PDE1C: variants seen among roughly 807,000 people sequenced by gnomAD.
PDE1C encodes the protein phosphodiesterase 1C.
In PDE1C, 62 loss-of-function variants were observed where a neutral mutation model predicts 93.1. The observed-to-expected ratio is 0.67, with a 90% CI of 0.54 to 0.82. The LOEUF (loss-of-function observed/expected upper bound fraction) is 0.82. Among genes scored for constraint, PDE1C ranks in the 40% least tolerant of loss-of-function variants. The pLI is 0.00. For missense variants in PDE1C, 742 were observed against 884.6 expected (o/e 0.84, Z 2.04); for synonymous variants, 325 against 310.1 (o/e 1.05, Z -0.50).
At chr7:32,347,484 T>G (rs1783876836) in intron 1 of PDE1C, among the ~76,000 whole-genome samples, 1 of 151,512 alleles carries the variant, frequency 6.6e-6, no homozygotes, top group African/African-American at 2.4e-5. Context: ...CCCTTCAGTG[T>G]GAGTAGAATA....
the PDE1C span, among the ~76,000 whole-genome samples, chr7:31,636,912 T>A: frequency 8.5e-6 from 1 of 117,574 alleles, no homozygotes; most frequent in African/African-American, 3.3e-5. Flanking sequence ...CAGTCCCTGG[T>A]GTGTGATGTT....
intron 1 of PDE1C, among the ~76,000 whole-genome samples, chr7:32,323,558 T>TGCAG (rs1783343716): frequency 6.6e-6 from 1 of 152,118 alleles, no homozygotes; most frequent in Non-Finnish European, 1.5e-5. Context: ...TCCAGAAGGC[T>TGCAG]GCAGCAGTCA....
chr7:31,643,382 C>G, the PDE1C span: 6 of 1,613,866 alleles, frequency 3.7e-6, no homozygotes, highest in African/African-American at 8.0e-5. Context: ...CATAAACTGC[C>G]TGGAGATCCT....
At chr7:32,080,276 A>T (rs188130589) in intron 3 of PDE1C, among the ~76,000 whole-genome samples, 40 of 152,216 alleles carry the variant, frequency 2.6e-4, no homozygotes, top group African/African-American at 8.9e-4. Flanking sequence ...CTTGTTCACC[A>T]CTGTCCCCTG....
chr7:31,770,458 A>G (rs961199212), intron 17 of PDE1C, among the ~76,000 whole-genome samples: 1 of 152,206 alleles, frequency 6.6e-6, no homozygotes, highest in African/African-American at 2.4e-5. Context: ...TTAAGAAACC[A>G]CTGCCAAATC....
intron 1 of PDE1C, among the ~76,000 whole-genome samples, chr7:32,213,834 G>A (rs1036355821): frequency 1.3e-5 from 2 of 152,282 alleles, no homozygotes; most frequent in African/African-American, 2.4e-5. Context: ...TTGACGTTCA[G>A]TTGCGTGTCT....
intron 2 of PDE1C, among the ~76,000 whole-genome samples, chr7:31,963,671 G>A (rs796485564): frequency 1.1e-4 from 17 of 152,328 alleles, no homozygotes; most frequent in African/African-American, 4.1e-4. Flanking sequence ...TAAAAGTTGA[G>A]GGTAGAGGGA....
intron 2 of PDE1C, among the ~76,000 whole-genome samples, chr7:32,011,614 A>G (rs1013743520): frequency 3.3e-5 from 5 of 152,244 alleles, no homozygotes; most frequent in Non-Finnish European, 5.9e-5. Flanking sequence ...AAATACAATT[A>G]TTAAGTCACA....
the PDE1C span, among the ~76,000 whole-genome samples, chr7:31,679,126 C>T: frequency 3.9e-5 from 6 of 152,120 alleles, 1 homozygote; most frequent in South Asian, 4.1e-4. Flanking sequence ...CCTCGTTTTC[C>T]GACCAGAATG....
chr7:32,347,953 T>C (rs1206884073), intron 1 of PDE1C, among the ~76,000 whole-genome samples: 1 of 152,138 alleles, frequency 6.6e-6, no homozygotes, highest in East Asian at 1.9e-4. Context: ...TTGTGATCAT[T>C]TGTTACAGAA....
At chr7:32,327,294 G>C (rs1050187596) in intron 1 of PDE1C, among the ~76,000 whole-genome samples, 5 of 152,158 alleles carry the variant, frequency 3.3e-5, no homozygotes, top group Admixed American at 2.6e-4. Context: ...TCCCCAAATC[G>C]TAAGTATACA....
Position 32,183,120 on chromosome 7 carries a change from A to G in PDE1C, c.137-13164T>C, listed in dbSNP as rs185447721. The stretch of plus-strand genomic sequence containing the variant: ...GACATGAAGGACCTCTTCAAGCAGA[A>G]CTACAAACCACTGCTCAATGAAATA... On this transcript the variant is annotated intron_variant, in intron 2 of 18. Transcript: ENST00000396193. Among the ~76,000 whole-genome samples, 49 of 152,308 alleles carry G rather than the reference A, an allele frequency of 3.2e-4. No homozygotes were observed. In the East Asian group the frequency reaches 7.1e-3, roughly 22 times the overall value.
chr7:31,972,519 C>T (rs757883879), intron 2 of PDE1C, among the ~76,000 whole-genome samples: 2 of 152,148 alleles, frequency 1.3e-5, no homozygotes, highest in African/African-American at 2.4e-5. Flanking sequence ...TGCAGAAGTG[C>T]AGCTACAATT....
At chr7:32,036,541 A>T (rs1056222940) in intron 2 of PDE1C, among the ~76,000 whole-genome samples, 1 of 152,204 alleles carries the variant, frequency 6.6e-6, no homozygotes, top group African/African-American at 2.4e-5. Flanking sequence ...GAAGATTTTT[A>T]AAAACATTAA....
chr7:32,296,120 G>A (rs1014087225), intron 1 of PDE1C, among the ~76,000 whole-genome samples: 3 of 152,066 alleles, frequency 2.0e-5, no homozygotes, highest in African/African-American at 7.2e-5. Context: ...CATATTAGAA[G>A]TACATACAAG....
the PDE1C span, among the ~76,000 whole-genome samples, chr7:31,668,393 CATA>C: frequency 6.6e-6 from 1 of 151,976 alleles, no homozygotes; most frequent in African/African-American, 2.4e-5. Context: ...AAGCAATACT[CATA>C]ATAATCAAAG....
intron 1 of PDE1C, among the ~76,000 whole-genome samples, chr7:32,223,440 G>A (rs1322359281): frequency 6.6e-6 from 1 of 152,152 alleles, no homozygotes; most frequent in Non-Finnish European, 1.5e-5. Context: ...AGGCCATATA[G>A]CAAGTAAATG....
Position 31,915,281 on chromosome 7 carries a change from G to A in PDE1C, c.129-34421C>T, listed in dbSNP as rs573362554. ...CTGCCTAATAGCCCAACCTAAATGC[G>A]TTCCAGCAGCCCCAGCCCCATGCCT... On this transcript the variant is annotated intron_variant, in intron 2 of 17. Coordinates refer to ENST00000396191, the MANE Select transcript of PDE1C (RefSeq NM_001191057.4). Among the ~76,000 whole-genome samples, 63 of 152,206 alleles carry A rather than the reference G, an allele frequency of 4.1e-4. 1 individual carries two copies. Among genetic ancestry groups the A allele is most frequent in the South Asian group, 6.2e-4 (3 of 4,814 alleles).
At chr7:32,028,947 G>A (rs747593786) in intron 2 of PDE1C, among the ~76,000 whole-genome samples, 7 of 152,006 alleles carry the variant, frequency 4.6e-5, no homozygotes, top group East Asian at 1.9e-4. Context: ...AACAAGGTAC[G>A]GAGACAATCT....
Sources: gnomAD v4.1 joint callset for allele counts (sites outside exome capture counted in the v4.1 genomes callset) on GRCh38, gnomAD v4.1.1 for gene constraint, MANE v1.5 for transcripts, NCBI Gene and HGNC (gene_info 2026-07-23, HGNC 2026-07-21) for gene names.